Variants in TAFA1 observed in about 807,000 individuals in gnomAD.
TAFA1 encodes the protein TAFA chemokine like family member 1, also known as chemokine-like protein TAFA-1.
TAFA1 carries 4 observed loss-of-function variants against 18.5 expected under a neutral mutation model. The ratio of observed to expected loss-of-function variants is 0.22; its 90% CI spans 0.11 to 0.49. The LOEUF (loss-of-function observed/expected upper bound fraction) is 0.49, where lower values mean the gene tolerates loss of function less well. Ranked by LOEUF, TAFA1 falls within the 20% of genes least tolerant of loss-of-function variation. TAFA1 has a pLI of 0.98. For missense variants in TAFA1, 147 were observed against 169.0 expected, an observed-to-expected ratio of 0.87 and a Z score of 0.72; for synonymous variants, 56 against 55.2, an observed-to-expected ratio of 1.01 and a Z score of -0.06.
At chr3:68,347,037 C>A (rs2069174810) in intron 2 of TAFA1, among the ~76,000 whole-genome samples, 1 of 151,186 alleles carries the variant, frequency 6.6e-6, no homozygotes, top group Non-Finnish European at 1.5e-5. Context: ...CCACTGTGAT[C>A]CCACATGTAG....
intron 3 of TAFA1, among the ~76,000 whole-genome samples, chr3:68,503,921 C>T (rs1455583788): frequency 6.6e-6 from 1 of 152,060 alleles, no homozygotes; most frequent in Admixed American, 6.6e-5. Flanking sequence ...TTACCTTGAT[C>T]ATCATCATTA....
chr3:68,082,351 T>C (rs1280527852), intron 2 of TAFA1, among the ~76,000 whole-genome samples: 1 of 152,228 alleles, frequency 6.6e-6, no homozygotes, highest in Non-Finnish European at 1.5e-5. Context: ...TGTTCCTACT[T>C]CCTAATTAAT....
At chr3:68,481,674 A>G (rs955580207) in intron 3 of TAFA1, among the ~76,000 whole-genome samples, 11 of 152,184 alleles carry the variant, frequency 7.2e-5, no homozygotes, top group African/African-American at 2.7e-4. Context: ...TTGTTAATTT[A>G]TATAAAGCAG....
intron 2 of TAFA1, among the ~76,000 whole-genome samples, chr3:68,395,485 T>TA (rs1170499476): frequency 1.3e-5 from 2 of 152,122 alleles, no homozygotes; most frequent in Non-Finnish European, 2.9e-5. Context: ...TAAAGACACA[T>TA]ACGTTTACTG....
intron 2 of TAFA1, among the ~76,000 whole-genome samples, chr3:68,180,536 G>T (rs1041252774): frequency 6.6e-6 from 1 of 152,150 alleles, no homozygotes; most frequent in African/African-American, 2.4e-5. Context: ...CGTAAATACT[G>T]GGATTTATGG....
chr3:68,262,305 GGGTATATATATATATATATATATA>G (rs1559585773), intron 2 of TAFA1, among the ~76,000 whole-genome samples: 1 of 59,646 alleles, frequency 1.7e-5, no homozygotes, highest in Non-Finnish European at 3.0e-5. Flanking sequence ...TAGATATGGA[GGGTATATATATATATATATATATA>G]TATATATATA....
At chr3:68,136,579 C>A (rs992419311) in intron 2 of TAFA1, among the ~76,000 whole-genome samples, 1 of 152,178 alleles carries the variant, frequency 6.6e-6, no homozygotes, top group Admixed American at 6.5e-5. Context: ...GCAACCCCAA[C>A]CCCTTCACAG....
chr3:68,478,970 C>G (rs1169487450), intron 3 of TAFA1, among the ~76,000 whole-genome samples: 6 of 150,218 alleles, frequency 4.0e-5, no homozygotes, highest in South Asian at 2.1e-4. Flanking sequence ...CGCAGTGGCT[C>G]ATGCCTGTAA....
intron 2 of TAFA1, among the ~76,000 whole-genome samples, chr3:68,405,673 C>T (rs1169619098): frequency 8.3e-6 from 1 of 120,586 alleles, no homozygotes; most frequent in Admixed American, 1.1e-4. Context: ...GCACTCCAAC[C>T]TAGGCAATGG....
chr3:68,045,018 G>A (rs1705239289), intron 2 of TAFA1, among the ~76,000 whole-genome samples: 1 of 152,186 alleles, frequency 6.6e-6, no homozygotes, highest in Non-Finnish European at 1.5e-5. Flanking sequence ...TCTGTGGGTT[G>A]ACTGGGGGCA....
chr3:68,268,825 T>C (rs1032376), intron 2 of TAFA1, among the ~76,000 whole-genome samples: 28,571 of 152,088 alleles, frequency 0.19, 2,802 homozygotes, highest in East Asian at 0.32. Context: ...GTAATCATGA[T>C]AATTAAAAAA....
chr3:68,126,472 T>G (rs1483312636), intron 2 of TAFA1, among the ~76,000 whole-genome samples: 1 of 152,242 alleles, frequency 6.6e-6, no homozygotes, highest in East Asian at 1.9e-4. Context: ...TGGCAAGTAT[T>G]CAATTTTCCC....
At chr3:68,189,162 C>A (rs767232751) in intron 2 of TAFA1, among the ~76,000 whole-genome samples, 2 of 151,910 alleles carry the variant, frequency 1.3e-5, no homozygotes, top group Non-Finnish European at 2.9e-5. Context: ...CATGGCTGGG[C>A]ACATGGTAGA....
At chr3:68,018,317 C>T (rs1704610214) in intron 2 of TAFA1, among the ~76,000 whole-genome samples, 1 of 152,084 alleles carries the variant, frequency 6.6e-6, no homozygotes, top group Admixed American at 6.6e-5. Context: ...CCCTGTGGGG[C>T]CTTTCACACC....
chr3:68,487,411 G>A (rs534979123), intron 3 of TAFA1, among the ~76,000 whole-genome samples: 1 of 152,100 alleles, frequency 6.6e-6, no homozygotes, highest in African/African-American at 2.4e-5. Flanking sequence ...TCGCATATTT[G>A]TAAAGATGGA....
intron 2 of TAFA1, among the ~76,000 whole-genome samples, chr3:68,205,726 A>G (rs1010629151): frequency 7.9e-5 from 12 of 151,886 alleles, no homozygotes; most frequent in Non-Finnish European, 1.5e-4. Flanking sequence ...GTGTCCCAGA[A>G]AACCAACATT....
intron 2 of TAFA1, among the ~76,000 whole-genome samples, chr3:68,027,788 G>C (rs1014084241): frequency 6.6e-6 from 1 of 152,074 alleles, no homozygotes; most frequent in Admixed American, 6.5e-5. Flanking sequence ...ATATTAACTA[G>C]TGTTCTCAGC....
At chr3:68,176,273 G>C (rs376751665) in intron 2 of TAFA1, among the ~76,000 whole-genome samples, 159 of 152,306 alleles carry the variant, frequency 1.0e-3, no homozygotes, top group African/African-American at 3.5e-3. Flanking sequence ...TTTGAGGCCA[G>C]GAGTTTGAGA....
chr3:68,417,481 T>A lies in TAFA1; in HGVS notation c.259+61T>A, dbSNP rs910703805. On this transcript the variant is annotated intron_variant, in intron 3 of 4. Coordinates refer to ENST00000478136, the MANE Select transcript of TAFA1 (RefSeq NM_213609.4). ...TGGCATTCACTATACATAATATAAT[T>A]TCTTGTTTTATCTAATATGGTTCCA... The A allele has an allele frequency of 5.3e-6, 8 of 1,515,198 alleles. No homozygotes were observed. In the African/African-American group the frequency reaches 1.1e-4, roughly 21 times the overall value. 93.9% of individuals were successfully genotyped at this position (1,515,198 alleles called of 1,614,324 possible).
Sources: gnomAD v4.1 joint callset for allele counts (sites outside exome capture counted in the v4.1 genomes callset) on GRCh38, gnomAD v4.1.1 for gene constraint, MANE v1.5 for transcripts, NCBI Gene and HGNC (gene_info 2026-07-23, HGNC 2026-07-21) for gene names.